CFAP65: variants seen among roughly 807,000 people sequenced by gnomAD.
CFAP65 encodes the protein cilia and flagella associated protein 65.
CFAP65 carries 155 observed loss-of-function variants against 208.0 expected under a neutral mutation model. The ratio of observed to expected loss-of-function variants is 0.75; its 90% CI spans 0.65 to 0.85. The LOEUF (loss-of-function observed/expected upper bound fraction) is 0.85. Among genes scored for constraint, CFAP65 ranks in the 40% least tolerant of loss-of-function variants. The probability of loss-of-function intolerance (pLI) is 0.00; values close to 1 mark genes in which losing one functional copy is unlikely to be tolerated. For missense variants in CFAP65, 2,294 were observed against 2,451.3 expected (o/e 0.94, Z 1.36); for synonymous variants, 970 against 986.3 (o/e 0.98, Z 0.31).
intron 13 of CFAP65, 114 bp from the exon 14 acceptor site, chr2:219,026,273 C>G: frequency 8.9e-6 from 10 of 1,121,790 alleles, no homozygotes; most frequent in African/African-American, 1.6e-5. Context: ...TGGACACAGA[C>G]AGGAGGGCCT....
At position 219,038,939 on chromosome 2, in the gene CFAP65, T is replaced by C. The variant is rs1295095780; in HGVS notation, c.110A>G (p.Lys37Arg). 4 of 1,613,554 alleles carry C rather than the reference T, an allele frequency of 2.5e-6. No individual in the cohort carries two copies. The highest frequency in any genetic ancestry group is 2.5e-6 in the Non-Finnish European group (3 of 1,179,754). The stretch of plus-strand genomic sequence containing the variant: ...CTCTGCTTGTTTCTTCTGAACACTC[T>C]TGCCTCTTAGGAGAAGAGGAATAAG... Reference protein sequence around the residue: ...FPLIPLLLRGKSVQKKQAESK... With the variant: ...FPLIPLLLRGRSVQKKQAESK... Residue 37 changes from lysine (K) to arginine (R), a missense_variant, in exon 3 of 35, where the codon AAG becomes AGG. Physicochemically the swap from Lys to Arg is conservative, Grantham distance 26 (BLOSUM62 2). This residue lies in a region of CFAP65 where 867 missense variants were observed against 1,012.6 expected (regional missense o/e 0.86). Transcript: ENST00000341552.
Position 219,038,398 on chromosome 2 carries a change from C to T in CFAP65, c.334G>A (p.Ala112Thr). Residue 112 changes from alanine to threonine, a missense_variant, in exon 4 of 35, where the codon GCC (alanine) becomes ACC (threonine). Transcript: ENST00000341552. ...ACCTGGGCGCTGATGGTGCTGCAGG[C>T]ACTCATGGCTGCACTGCTGTCGTTG... ...AINDSSAAMS[A>T]CSTISAQPAS... The T allele has an allele frequency of 3.1e-6, 5 of 1,613,302 alleles. No individual in the cohort carries two copies. Among genetic ancestry groups the T allele is most frequent in the Non-Finnish European group, 2.5e-6 (3 of 1,179,992 alleles).
chr2:219,011,916 T>C (rs1020549071), intron 24 of CFAP65, among the ~76,000 whole-genome samples: 1 of 152,122 alleles, frequency 6.6e-6, no homozygotes, highest in African/African-American at 2.4e-5. Flanking sequence ...CTCAATACAA[T>C]AGTATTAAGA....
chr2:219,005,009 C>CTCTTT (rs1469711095), intron 32 of CFAP65, among the ~76,000 whole-genome samples: 4 of 137,828 alleles, frequency 2.9e-5, no homozygotes, highest in Non-Finnish European at 4.7e-5. Context: ...TTCTTTCTTT[C>CTCTTT]TCTTTTCTTT....
rs1317516075 is a variant in CFAP65 at position 219,023,450 on chromosome 2, G to A, written c.2596-19C>T. 1 of 1,535,036 alleles carries A rather than the reference G, an allele frequency of 6.5e-7. No individual in the cohort carries two copies. The highest frequency in any genetic ancestry group is 2.0e-5 in the Admixed American group (1 of 50,502). ...TCACCTCCTGGAGCCAGAGGAAGAA[G>A]GGCAGTGCCCTGACCTCACTCTGCA... On this transcript the variant is annotated intron_variant, in intron 15 of 34. Coordinates refer to ENST00000341552, the MANE Select transcript of CFAP65 (RefSeq NM_194302.4).
rs1948604585 is a variant in CFAP65, at chr2:219,040,576, CA to C, written c.-48-13del. ...CAAAGAAATGTAAGCTGAGGAGACACAGAGAGAGTCCATTACTTTTCTGCCA... is the reference window on the plus strand; with the variant it reads ...CAAAGAAATGTAAGCTGAGGAGACACGAGAGAGTCCATTACTTTTCTGCCA... On this transcript the variant is annotated splice_polypyrimidine_tract_variant and intron_variant, in intron 1 of 34. Coordinates refer to ENST00000341552, the MANE Select transcript of CFAP65 (RefSeq NM_194302.4). The C allele has an allele frequency of 6.4e-7, 1 of 1,551,884 alleles. No homozygotes were observed. Among genetic ancestry groups the C allele is most frequent in the Non-Finnish European group, 8.7e-7 (1 of 1,146,948 alleles).
chr2:219,006,375 T>A, intron 30 of CFAP65, 90 bp downstream of exon 30: 1 of 1,540,402 alleles, frequency 6.5e-7, no homozygotes, highest in Non-Finnish European at 9.0e-7. Flanking sequence ...TTTCTGGGAG[T>A]CTGGTCCAGG....
intron 24 of CFAP65, among the ~76,000 whole-genome samples, chr2:219,012,524 T>C (rs1559124831): frequency 6.6e-6 from 1 of 152,262 alleles, no homozygotes; most frequent in Non-Finnish European, 1.5e-5. Context: ...GGTGAATGGC[T>C]GGAGGCCCCT....
In CFAP65 at chr2:219,019,063, A is replaced by G. The variant is rs1167904257; in HGVS notation, c.3590T>C (p.Val1197Ala). The change falls in exon 21 of 35, where the codon GTG becomes GCG. Residue 1197 changes from valine to alanine, a missense_variant. Physicochemically the swap from Val to Ala is moderately conservative, Grantham distance 64. Around this residue, in one of 2 missense-constraint regions of CFAP65, gnomAD observed 1,427 missense variants for 1,438.7 expected, o/e 0.99. Transcript: ENST00000341552. ...VFLALKNSGV[V>A]SLDWAFLLPS... is the part of the protein sequence containing the mutation. The stretch of plus-strand genomic sequence containing the variant: ...CTTCAAGCCATACCAGTCCAGGGAC[A>G]CCACTCCGCTGTTCTTCAGGGCCAG... 1 of 1,614,238 alleles carries G rather than the reference A, an allele frequency of 6.2e-7. No homozygotes were observed. The highest frequency in any genetic ancestry group is 8.5e-7 in the Non-Finnish European group (1 of 1,180,030).
intron 21 of CFAP65, among the ~76,000 whole-genome samples, chr2:219,016,102 G>A (rs1391242867): frequency 1.3e-5 from 2 of 152,132 alleles, no homozygotes; most frequent in Non-Finnish European, 2.9e-5. Flanking sequence ...AGGGGGCTGC[G>A]GAGCTTCTTA....
intron 2 of CFAP65, among the ~76,000 whole-genome samples, chr2:219,040,150 A>G (rs774047213): frequency 5.9e-5 from 9 of 152,082 alleles, no homozygotes; most frequent in Non-Finnish European, 1.0e-4. Context: ...TCTCCCTTAC[A>G]GGTATTTTAA....
Position 219,010,020 on chromosome 2 carries a change from G to T in CFAP65, c.4374C>A (p.Arg1458=). 1 of 1,612,820 alleles carries T rather than the reference G, an allele frequency of 6.2e-7. No homozygotes were observed. Among genetic ancestry groups the T allele is most frequent in the South Asian group, 1.1e-5 (1 of 90,906 alleles). ...GNIPVQSKCS[R]LLFLNNISKN... The stretch of plus-strand genomic sequence containing the variant: ...TGGAGATGTTGTTGAGGAAGAGCAG[G>T]CGGCTGCACTTGCTCTGCACAGGTA... Residue 1458 remains arginine (R), a synonymous_variant, in exon 27 of 35, where the codon CGC becomes CGA. Transcript: ENST00000341552.
In CFAP65 at chr2:219,037,329, T is replaced by G. The variant is rs573398748; in HGVS notation, c.357+1046A>C. On this transcript the variant is annotated intron_variant, in intron 4 of 34. Transcript: ENST00000341552. Reference sequence around the variant, plus strand: ...ATCGCTTAAACCCCGGAGGCGGAGGTTGCAGTGAGCTGAGATTGCACCATT... The same window carrying G: ...ATCGCTTAAACCCCGGAGGCGGAGGGTGCAGTGAGCTGAGATTGCACCATT... 2.6e-5 allele frequency among the ~76,000 whole-genome samples: 4 copies of G among 152,130 alleles called. No individual in the cohort carries two copies. The East Asian group carries it at 7.7e-4, about 29-fold the overall frequency.
chr2:219,028,492 G>T, intron 11 of CFAP65, 91 bp from the exon 12 acceptor site: 3 of 1,164,740 alleles, frequency 2.6e-6, no homozygotes, highest in Non-Finnish European at 3.8e-6. Flanking sequence ...AAGCTGGGCA[G>T]ACAGGATAAC....
Position 219,032,210 on chromosome 2 carries a change from C to T in CFAP65, c.645+260G>A, listed in dbSNP as rs1431535442. On this transcript the variant is annotated intron_variant, in intron 6 of 34. Coordinates refer to ENST00000341552, the MANE Select transcript of CFAP65 (RefSeq NM_194302.4). The surrounding 1 kb of genome is among the most constrained non-coding windows in gnomAD (Gnocchi z 5.5). ...TGCTGAGATTCCAGAAGTCAGTCAC[C>T]GTCCCCGGCCACGGAATGTAGGACT... Among the ~76,000 whole-genome samples, 2 of 152,148 alleles carry T rather than the reference C, an allele frequency of 1.3e-5. No individual in the cohort carries two copies. The highest frequency in any genetic ancestry group is 4.8e-5 in the African/African-American group (2 of 41,428).
At position 219,026,122 on chromosome 2, in the gene CFAP65, G is replaced by A; in HGVS notation, c.2249C>T (p.Thr750Ile). 1 of 1,613,996 alleles carries A rather than the reference G, an allele frequency of 6.2e-7. No homozygotes were observed. Among genetic ancestry groups the A allele is most frequent in the Non-Finnish European group, 8.5e-7 (1 of 1,179,970 alleles). Residue 750 changes from threonine to isoleucine, a missense_variant, in exon 14 of 35, where the codon ACC becomes ATC. This residue lies in a region of CFAP65 where 867 missense variants were observed against 1,012.6 expected (regional missense o/e 0.86). Transcript: ENST00000341552. ...QSYSNIEEDC[T>I]MCPSWCLTVR... ...CGTCAGGCACCAGGATGGGCACATG[G>A]TGCAGTCCTCCTCAATATTACTGTA...
intron 8 of CFAP65, 67 bp from the exon 9 acceptor site, chr2:219,030,901 C>G: frequency 6.4e-7 from 1 of 1,556,568 alleles, no homozygotes; most frequent in Non-Finnish European, 8.7e-7. Flanking sequence ...CTGAACAGCC[C>G]CTCGAAGAAG....
chr2:219,009,123 T>C lies in CFAP65; in HGVS notation c.4598A>G (p.His1533Arg), dbSNP rs1277082136. ...GTCCTTCCACTCCTGCAGCTCCTTG[T>C]GATACTGCCTCATGAGCTGCTGCGA... ...LYSQQLMRQY[H>R]KELQEWKDEK... is the part of the protein sequence containing the mutation. Residue 1533 changes from histidine to arginine, a missense_variant, in exon 29 of 35, where the codon CAC becomes CGC. Coordinates refer to ENST00000341552, the MANE Select transcript of CFAP65 (RefSeq NM_194302.4). The C allele has an allele frequency of 1.2e-6, 2 of 1,612,864 alleles. No individual in the cohort carries two copies. The highest frequency in any genetic ancestry group is 1.3e-5 in the African/African-American group (1 of 75,054).
chr2:219,024,106 T>G lies in CFAP65; in HGVS notation c.2504A>C (p.Gln835Pro), dbSNP rs1423192055. 1 of 1,613,952 alleles carries G rather than the reference T, an allele frequency of 6.2e-7. No homozygotes were observed. Among genetic ancestry groups the G allele is most frequent in the African/African-American group, 1.3e-5 (1 of 74,944 alleles). The change falls in exon 15 of 35, where the codon CAG becomes CCG. Residue 835 changes from glutamine to proline, a missense_variant. Physicochemically the swap from Gln to Pro is moderately conservative, Grantham distance 76. Transcript: ENST00000341552. ...AGGGTAGGTGCAGATGAGGATGATC[T>G]GGTGGGCCCCGGGTGCCACAAGGCC... ...TSGLVAPGAH[Q>P]IILICTYPEG...
Sources: allele counts gnomAD v4.1 joint callset (sites outside exome capture counted in the v4.1 genomes callset), GRCh38; gene constraint gnomAD v4.1.1; regional missense constraint gnomAD v4.1.1; non-coding constraint Gnocchi (gnomAD v3.1); transcripts MANE v1.5; gene names NCBI Gene and HGNC (gene_info 2026-07-23, HGNC 2026-07-21).